FBXO25: variants seen among roughly 807,000 people sequenced by gnomAD.
The protein encoded by FBXO25 is F-box protein 25, also known as F-box only protein 25.
In FBXO25, 45 loss-of-function variants were observed where a neutral mutation model predicts 51.9. That is an observed-to-expected ratio of 0.87 (90% CI 0.68 to 1.11). The LOEUF (loss-of-function observed/expected upper bound fraction) is 1.11, where lower values mean the gene tolerates loss of function less well. Among genes scored for constraint, FBXO25 ranks in the 50% most tolerant of loss-of-function variants. The probability of loss-of-function intolerance (pLI) is 0.00; values close to 1 mark genes in which losing one functional copy is unlikely to be tolerated. For missense variants in FBXO25, 507 were observed against 428.5 expected, an observed-to-expected ratio of 1.18 and a Z score of -1.62; for synonymous variants, 199 against 151.0, an observed-to-expected ratio of 1.32 and a Z score of -2.33.
chr8:427,581 T>C (rs1038441861), intron 2 of FBXO25, among the ~76,000 whole-genome samples: 2 of 149,342 alleles, frequency 1.3e-5, no homozygotes, highest in Admixed American at 1.3e-4. Flanking sequence ...CAGAAATGTA[T>C]GTCCTCACAA....
chr8:468,119 A>G, intron 9 of FBXO25: 1 of 1,053,146 alleles, frequency 9.5e-7, no homozygotes, highest in East Asian at 7.9e-5. Flanking sequence ...GCCAGTCTTC[A>G]TCCACAAAAT....
chr8:428,296 A>G (rs1229811264), intron 2 of FBXO25, among the ~76,000 whole-genome samples: 1 of 151,986 alleles, frequency 6.6e-6, no homozygotes, highest in East Asian at 1.9e-4. Context: ...GGGTGTGGAG[A>G]GTTAAGGGCT....
At chr8:447,476 A>C (rs1798811475) in intron 5 of FBXO25, among the ~76,000 whole-genome samples, 1 of 152,224 alleles carries the variant, frequency 6.6e-6, no homozygotes, top group South Asian at 2.1e-4. Flanking sequence ...CATAAATGAA[A>C]AAAACAGGAA....
At chr8:413,310 A>G in intron 2 of FBXO25, 97 bp downstream of exon 2, 2 of 1,364,288 alleles carry the variant, frequency 1.5e-6, no homozygotes, top group Non-Finnish European at 1.9e-6. Flanking sequence ...AACTTTTGAG[A>G]CTTGCCCACC....
chr8:471,836 T>C lies in FBXO25; in HGVS notation c.*3032T>C, dbSNP rs1053804458. 1.3e-4 allele frequency: 20 copies of C among 152,258 alleles called. No homozygotes were observed. The highest frequency in any genetic ancestry group is 1.2e-4 in the African/African-American group (5 of 41,468). 9.4% of individuals were successfully genotyped at this position (152,258 alleles called of 1,614,324 possible). On this transcript the variant is annotated 3_prime_UTR_variant, in exon 10 of 10. Transcript: ENST00000350302. ...ACAGGCTCTCTGTATGCACTGTGTG[T>C]GCGTACTGTACAGGGCTGTACACAG...
In FBXO25 at chr8:463,035, A is replaced by G. The variant is rs1456412963; in HGVS notation, c.872A>G (p.Lys291Arg). 1 of 1,612,584 alleles carries G rather than the reference A, an allele frequency of 6.2e-7. No individual in the cohort carries two copies. The highest frequency in any genetic ancestry group is 1.1e-5 in the South Asian group (1 of 90,360). ...QFCRHLILSE[K>R]GHIEWKLMYF... ...TGTAGACATTTGATCCTTTCAGAAAAAGGTCATATTGAATGGAAGTTGATG... is the reference window on the plus strand; with the variant it reads ...TGTAGACATTTGATCCTTTCAGAAAGAGGTCATATTGAATGGAAGTTGATG... Residue 291 changes from lysine to arginine, a missense_variant, in exon 9 of 10, where the codon AAA becomes AGA. Lys to Arg is a conservative substitution (Grantham distance 26). Transcript: ENST00000350302.
chr8:422,108 C>A (rs1797190636), intron 2 of FBXO25, among the ~76,000 whole-genome samples: 1 of 152,156 alleles, frequency 6.6e-6, no homozygotes, highest in African/African-American at 2.4e-5. Context: ...AAGGTGAAAT[C>A]TAACAGGTAA....
chr8:426,523 G>T (rs1273738551), intron 2 of FBXO25, among the ~76,000 whole-genome samples: 2 of 152,044 alleles, frequency 1.3e-5, no homozygotes, highest in Admixed American at 1.3e-4. Context: ...GATTTAGTCT[G>T]TCCAGGTAAG....
intron 1 of FBXO25, 74 bp from the exon 2 acceptor site, chr8:412,999 T>A: frequency 9.6e-7 from 1 of 1,038,746 alleles, no homozygotes; most frequent in South Asian, 2.4e-5. Context: ...TCTTTAAAAT[T>A]AATAAATGTT....
chr8:435,569 C>A (rs375420921), intron 4 of FBXO25, 46 bp from the exon 5 acceptor site: 2 of 1,585,290 alleles, frequency 1.3e-6, no homozygotes, highest in Non-Finnish European at 8.5e-7. Context: ...ACTGCCAATT[C>A]TTTTTGGCTA....
intron 9 of FBXO25, among the ~76,000 whole-genome samples, 178 bp from the exon 10 acceptor site, chr8:468,537 T>C (rs1357161853): frequency 1.3e-5 from 2 of 152,074 alleles, no homozygotes; most frequent in Non-Finnish European, 2.9e-5. Context: ...GAAACCTCTA[T>C]GTAGAATCGG....
chr8:411,712 A>G (rs1180888054), intron 1 of FBXO25, among the ~76,000 whole-genome samples: 2 of 152,108 alleles, frequency 1.3e-5, no homozygotes, highest in Non-Finnish European at 1.5e-5. Context: ...AGCCCTTACA[A>G]CTATGAAGGC....
In FBXO25 at chr8:451,338, T is replaced by A; in HGVS notation, c.545T>A (p.Ile182Asn). 3 of 1,613,892 alleles carry A rather than the reference T, an allele frequency of 1.9e-6. No homozygotes were observed. The South Asian group carries it at 3.3e-5, about 18-fold the overall frequency. ...LLQDLSSTLC[I>N]LIRGVGKSVL... Reference sequence around the variant, plus strand: ...CAAGACCTAAGCTCTACCCTCTGCATTCTTATTAGAGGAGTAGGGAAGTCT... The same window carrying A: ...CAAGACCTAAGCTCTACCCTCTGCAATCTTATTAGAGGAGTAGGGAAGTCT... The change falls in exon 7 of 10, where the codon ATT (isoleucine) becomes AAT (asparagine). Residue 182 changes from isoleucine (I) to asparagine (N), a missense_variant. Transcript: ENST00000350302.
intron 5 of FBXO25, among the ~76,000 whole-genome samples, chr8:446,161 A>G (rs1798724444): frequency 6.6e-6 from 1 of 152,060 alleles, no homozygotes; most frequent in Non-Finnish European, 1.5e-5. Context: ...GAAAAGGAAA[A>G]TCATATCTTA....
chr8:418,747 A>T (rs1796970582), intron 2 of FBXO25, among the ~76,000 whole-genome samples: 2 of 152,356 alleles, frequency 1.3e-5, no homozygotes, highest in South Asian at 4.1e-4. Flanking sequence ...AAACACTAGG[A>T]TGCACAGTGC....
In FBXO25 at chr8:470,921, T is replaced by G. The variant is rs962581835; in HGVS notation, c.*2117T>G. On this transcript the variant is annotated 3_prime_UTR_variant, in exon 10 of 10. Coordinates refer to ENST00000350302, the MANE Select transcript of FBXO25 (RefSeq NM_183420.2). ...TGGGGTGGATGTCAGTCTTTTTTCA[T>G]GTTAGTTTCTTCTTAAAAGGAAACT... 1 of 152,362 alleles carries G rather than the reference T, an allele frequency of 6.6e-6. No individual in the cohort carries two copies. Among genetic ancestry groups the G allele is most frequent in the African/African-American group, 2.4e-5 (1 of 41,594 alleles). 9.4% of individuals were successfully genotyped at this position (152,362 alleles called of 1,614,324 possible). A position where few individuals can be genotyped will look rare whatever the true frequency, so the allele number is the denominator to read the frequency against.
At chr8:410,380 T>G (rs1327360411) in intron 1 of FBXO25, among the ~76,000 whole-genome samples, 1 of 152,216 alleles carries the variant, frequency 6.6e-6, no homozygotes, top group Non-Finnish European at 1.5e-5. Context: ...GTCGTTGAAG[T>G]AATCCTGTAT....
intron 5 of FBXO25, among the ~76,000 whole-genome samples, chr8:445,823 A>T (rs966940887): frequency 6.6e-6 from 1 of 152,210 alleles, no homozygotes; most frequent in African/African-American, 2.4e-5. Flanking sequence ...GTGAGCCGAG[A>T]TCGCGCCATT....
chr8:454,025 A>G (rs1383759999), intron 7 of FBXO25, among the ~76,000 whole-genome samples: 2 of 152,004 alleles, frequency 1.3e-5, no homozygotes, highest in African/African-American at 4.8e-5. Context: ...TCGGGAGGCT[A>G]AGGCAGGGGA....
Sources: gnomAD v4.1 joint callset for allele counts (sites outside exome capture counted in the v4.1 genomes callset) on GRCh38, gnomAD v4.1.1 for gene constraint, MANE v1.5 for transcripts, NCBI Gene and HGNC (gene_info 2026-07-23, HGNC 2026-07-21) for gene names.